Variants in PNPLA6 observed in about 807,000 individuals in gnomAD.
The protein encoded by PNPLA6 is patatin-like phospholipase domain-containing protein 6.
PNPLA6 carries 105 observed loss-of-function variants against 153.7 expected under a neutral mutation model. The observed-to-expected ratio is 0.68, with a 90% CI of 0.58 to 0.80. PNPLA6 has a LOEUF of 0.80. Ranked by LOEUF, PNPLA6 falls within the 30% of genes least tolerant of loss-of-function variation. The pLI is 0.00. For missense variants in PNPLA6, 1,423 were observed against 1,919.3 expected, an observed-to-expected ratio of 0.74 and a Z score of 4.83; for synonymous variants, 825 against 822.2, an observed-to-expected ratio of 1.00 and a Z score of -0.06.
chr19:7,542,699 G>C, intron 11 of PNPLA6, 29 bp downstream of exon 11: 3 of 1,612,104 alleles, frequency 1.9e-6, no homozygotes, highest in Non-Finnish European at 2.5e-6. Flanking sequence ...CCCGGTGGTG[G>C]AGCCCGCAGG....
intron 12 of PNPLA6, 32 bp downstream of exon 12, chr19:7,542,960 G>T (rs373281041): frequency 1.2e-5 from 20 of 1,613,646 alleles, no homozygotes; most frequent in Non-Finnish European, 1.4e-5. Flanking sequence ...GGCACAGGGC[G>T]CAAGGGAGGC....
At chr19:7,543,189 C>T in intron 13 of PNPLA6, 105 bp downstream of exon 13, 7 of 1,002,174 alleles carry the variant, frequency 7.0e-6, no homozygotes, top group African/African-American at 1.6e-5. Flanking sequence ...CACCTTCTCC[C>T]ATAGAAGCAG....
rs2023124801 is a variant in PNPLA6 at position 7,541,265 on chromosome 19, C to T, written c.925-89C>T. 2.4e-6 allele frequency: 3 copies of T among 1,249,852 alleles called. No homozygotes were observed. Among genetic ancestry groups the T allele is most frequent in the Non-Finnish European group, 2.3e-6 (2 of 870,716 alleles). 77.4% of individuals were successfully genotyped at this position (1,249,852 alleles called of 1,614,324 possible). A position where few individuals can be genotyped will look rare whatever the true frequency, so the allele number is the denominator to read the frequency against. ...GGGTCTCTCCCTGGTTCCCGCCCGA[C>T]CCCTTATGCTGCGAACTAGCCCGGC... On this transcript the variant is annotated intron_variant, in intron 7 of 31. Coordinates refer to ENST00000600737, the MANE Select transcript of PNPLA6 (RefSeq NM_001166114.2). The surrounding 1 kb of genome is among the most constrained non-coding windows in gnomAD (Gnocchi z 5.2).
In PNPLA6 at chr19:7,549,990, C is replaced by CT; in HGVS notation, c.1692_1693insT (p.Val565CysfsTer41). ...ACAAGGCGGAGGACGTGTGCCTGTT[C>CT]GTAGCGCAGCCCGGGGAACTGGTGG... is the stretch of plus-strand genomic sequence containing the variant. On this transcript the variant is annotated frameshift_variant, in exon 14 of 32. Coordinates refer to ENST00000600737, the MANE Select transcript of PNPLA6 (RefSeq NM_001166114.2). LOFTEE classifies it high-confidence loss of function. The CT allele has an allele frequency of 2.5e-6, 4 of 1,614,008 alleles. No homozygotes were observed. The highest frequency in any genetic ancestry group is 3.4e-6 in the Non-Finnish European group (4 of 1,180,040).
chr19:7,540,823 A>T lies in PNPLA6; in HGVS notation c.796-100A>T. On this transcript the variant is annotated intron_variant, in intron 6 of 31. Coordinates refer to ENST00000600737, the MANE Select transcript of PNPLA6 (RefSeq NM_001166114.2). The surrounding 1 kb of genome is among the most constrained non-coding windows in gnomAD (Gnocchi z 6.8). ...CTCTGGTTCATCCGTTATGCTGCCG[A>T]TGGCCCCTCACGGGACTGGCGCCAG... The T allele has an allele frequency of 7.0e-6, 11 of 1,565,778 alleles. No homozygotes were observed. Among genetic ancestry groups the T allele is most frequent in the Non-Finnish European group, 7.9e-6 (9 of 1,136,608 alleles).
chr19:7,546,980 C>CTGCA (rs1568412981), intron 13 of PNPLA6, among the ~76,000 whole-genome samples: 1 of 151,930 alleles, frequency 6.6e-6, no homozygotes. Context: ...TCTCAGCTCA[C>CTGCA]TGCAACCTCT....
intron 19 of PNPLA6, 45 bp downstream of exon 19, chr19:7,554,060 A>C (rs1409402059): frequency 1.2e-6 from 2 of 1,605,578 alleles, no homozygotes; most frequent in Non-Finnish European, 1.7e-6. Flanking sequence ...GGTGGGTGGG[A>C]CATTAGTGAG....
intron 13 of PNPLA6, among the ~76,000 whole-genome samples, chr19:7,545,380 G>T (rs565881111): frequency 2.3e-4 from 35 of 152,212 alleles, no homozygotes; most frequent in African/African-American, 8.2e-4. Flanking sequence ...TATCTCCTGG[G>T]ACTGTGCCTC....
At position 7,540,907 on chromosome 19, in the gene PNPLA6, C is replaced by A; in HGVS notation, c.796-16C>A. The A allele has an allele frequency of 6.2e-7, 1 of 1,612,912 alleles. No homozygotes were observed. Among genetic ancestry groups the A allele is most frequent in the Non-Finnish European group, 8.5e-7 (1 of 1,179,856 alleles). ...GCCTCTGCCCTTGTCTCTCTTCACG[C>A]CCTCCCCTCCCCCAGGGTCACCAGC... On this transcript the variant is annotated splice_polypyrimidine_tract_variant and intron_variant, in intron 6 of 31. Transcript: ENST00000600737. This position sits in a 1 kb window ranked among gnomAD's most constrained non-coding sequence, Gnocchi z 6.8.
chr19:7,541,128 C>G lies in PNPLA6; in HGVS notation c.924+77C>G. 1.3e-6 allele frequency: 2 copies of G among 1,511,524 alleles called. No individual in the cohort carries two copies. The highest frequency in any genetic ancestry group is 1.8e-6 in the Non-Finnish European group (2 of 1,106,340). 93.6% of individuals were successfully genotyped at this position (1,511,524 alleles called of 1,614,324 possible). A position where few individuals can be genotyped will look rare whatever the true frequency, so the allele number is the denominator to read the frequency against. On this transcript the variant is annotated intron_variant, in intron 7 of 31. Transcript: ENST00000600737. The surrounding 1 kb of genome is among the most constrained non-coding windows in gnomAD (Gnocchi z 5.2). ...CCACCCATTCCAGGCTCCAAGGGAC[C>G]GAGGCCCAGCAGCCAGCAGGCGCTG...
intron 17 of PNPLA6, 122 bp downstream of exon 17, chr19:7,551,229 G>T (rs1183237283): frequency 1.0e-6 from 1 of 967,376 alleles, no homozygotes. Flanking sequence ...CGAAGCGAGA[G>T]AGTGAGGGCG....
chr19:7,538,786 T>G (rs1439365079), intron 3 of PNPLA6, among the ~76,000 whole-genome samples: 1 of 152,202 alleles, frequency 6.6e-6, no homozygotes, highest in Admixed American at 6.5e-5. Flanking sequence ...GTATCTGCGG[T>G]CTTCTCATAT....
rs2023141856 is a variant in PNPLA6 at position 7,541,563 on chromosome 19, A to G, written c.1047A>G (p.Pro349=). Reference sequence around the variant, plus strand: ...GTCTGTTCCCCAGCCCCGGCCTCCCAACTCGCACCAGCCCTGTGCGGGGCT... The same window carrying G: ...GTCTGTTCCCCAGCCCCGGCCTCCCGACTCGCACCAGCCCTGTGCGGGGCT... The part of the protein sequence containing the change: ...PLRLFPSPGL[P]TRTSPVRGSK... Residue 349 remains proline (P), a synonymous_variant, in exon 9 of 32, where the codon CCA becomes CCG. Transcript: ENST00000600737. This position sits in a 1 kb window ranked among gnomAD's most constrained non-coding sequence, Gnocchi z 5.2. The G allele has an allele frequency of 7.5e-6, 12 of 1,600,676 alleles. No individual in the cohort carries two copies. Among genetic ancestry groups the G allele is most frequent in the Non-Finnish European group, 1.0e-5 (12 of 1,173,850 alleles).
At chr19:7,557,698 C>T (rs192142605) in intron 27 of PNPLA6, among the ~76,000 whole-genome samples, 1 of 151,040 alleles carries the variant, frequency 6.6e-6, no homozygotes, top group Non-Finnish European at 1.5e-5. Flanking sequence ...GCAGATAAAT[C>T]ACTTGAACCT....
Position 7,561,073 on chromosome 19 carries a change from G to T in PNPLA6, c.3876G>T (p.Glu1292Asp). Residue 1292 changes from glutamate (E) to aspartate (D), a missense_variant, in exon 30 of 32, where the codon GAG becomes GAT. Physicochemically the swap from Glu to Asp is conservative, Grantham distance 45. This residue lies in a region of PNPLA6 where 643 missense variants were observed against 835.2 expected (regional missense o/e 0.77). Transcript: ENST00000600737. ...TDLAEIVSRI[E>D]PPTSYVSDGC... ...TGGCAGAGATTGTGTCCCGGATTGA[G>T]CCCCCCACGAGCTATGTCTCTGATG... 6.2e-7 allele frequency: 1 copy of T among 1,613,260 alleles called. No individual in the cohort carries two copies. The highest frequency in any genetic ancestry group is 8.5e-7 in the Non-Finnish European group (1 of 1,179,718).
Position 7,541,253 on chromosome 19 carries a change from G to C in PNPLA6, c.925-101G>C. The C allele has an allele frequency of 8.5e-7, 1 of 1,181,788 alleles. No individual in the cohort carries two copies. The highest frequency in any genetic ancestry group is 1.2e-6 in the Non-Finnish European group (1 of 814,218). 73.2% of individuals were successfully genotyped at this position (1,181,788 alleles called of 1,614,324 possible). A position where few individuals can be genotyped will look rare whatever the true frequency, so the allele number is the denominator to read the frequency against. On this transcript the variant is annotated intron_variant, in intron 7 of 31. Transcript: ENST00000600737. This position sits in a 1 kb window ranked among gnomAD's most constrained non-coding sequence, Gnocchi z 5.2. ...TCCCCAGACTGTGGGTCTCTCCCTG[G>C]TTCCCGCCCGACCCCTTATGCTGCG...
intron 24 of PNPLA6, among the ~76,000 whole-genome samples, chr19:7,556,193 G>A (rs1405562583): frequency 6.6e-6 from 1 of 150,828 alleles, no homozygotes; most frequent in African/African-American, 2.4e-5. Flanking sequence ...CTCATGAGTA[G>A]CTGGGATTAC....
chr19:7,549,805 C>G, intron 13 of PNPLA6, 102 bp from the exon 14 acceptor site: 3 of 1,185,872 alleles, frequency 2.5e-6, no homozygotes, highest in Non-Finnish European at 2.4e-6. Context: ...TTTTTCTTAA[C>G]CCTTCCTTTC....
Position 7,540,990 on chromosome 19 carries a change from C to T in PNPLA6, c.863C>T (p.Pro288Leu), listed in dbSNP as rs776421268. The T allele has an allele frequency of 6.8e-6, 11 of 1,611,500 alleles. No homozygotes were observed. Among genetic ancestry groups the T allele is most frequent in the Non-Finnish European group, 9.3e-6 (11 of 1,179,444 alleles). The change falls in exon 7 of 32, where the codon CCG becomes CTG. Residue 288 changes from proline to leucine, a missense_variant. By Grantham distance (98) the Pro-to-Leu change is moderately conservative. This residue lies in a region of PNPLA6 where 118 missense variants were observed against 158.8 expected (regional missense o/e 0.74). Coordinates refer to ENST00000600737, the MANE Select transcript of PNPLA6 (RefSeq NM_001166114.2). The surrounding 1 kb of genome is among the most constrained non-coding windows in gnomAD (Gnocchi z 6.8). ...AARDSTVLRLPVEAFSAVFTK... is the reference protein window; with the variant it reads ...AARDSTVLRLLVEAFSAVFTK... ...CGGGACTCCACGGTGCTGCGCCTGC[C>T]GGTGGAAGCATTCTCCGCGGTCTTC...
Sources: allele counts gnomAD v4.1 joint callset (sites outside exome capture counted in the v4.1 genomes callset), GRCh38; gene constraint gnomAD v4.1.1; regional missense constraint gnomAD v4.1.1; non-coding constraint Gnocchi (gnomAD v3.1); transcripts MANE v1.5; gene names NCBI Gene and HGNC (gene_info 2026-07-23, HGNC 2026-07-21).